The following ATP10B variants were observed in gnomAD, a reference collection of about 807,000 sequenced individuals.
ATP10B encodes the protein ATPase phospholipid transporting 10B (putative), also known as phospholipid-transporting ATPase VB.
ATP10B carries 122 observed loss-of-function variants against 141.2 expected under a neutral mutation model. The observed-to-expected ratio is 0.86, with a 90% confidence interval of 0.75 to 1.00. The LOEUF (loss-of-function observed/expected upper bound fraction) is 1.00. Ranked by LOEUF, ATP10B falls within the 50% of genes least tolerant of loss-of-function variation. The pLI, the probability that ATP10B is intolerant of heterozygous loss-of-function variation, is 0.00. For missense variants in ATP10B, 1,876 were observed against 1,825.3 expected (o/e 1.03, Z -0.51); for synonymous variants, 685 against 692.0 (o/e 0.99, Z 0.16).
the ATP10B span, among the ~76,000 whole-genome samples, chr5:160,902,439 C>A: frequency 6.6e-6 from 1 of 152,160 alleles, no homozygotes; most frequent in Admixed American, 6.5e-5. Context: ...CCCTTGCTGT[C>A]AAACACTCAG....
In ATP10B at chr5:160,565,240, T is replaced by C; in HGVS notation, c.*213A>G. On this transcript the variant is annotated 3_prime_UTR_variant, in exon 26 of 26. Coordinates refer to ENST00000327245, the MANE Select transcript of ATP10B (RefSeq NM_025153.3). ...TCTCCAAACTGTTTGCAAGATGTGC[T>C]GCCTGAGAGCAGCAGAAAACTAGAG... The C allele has an allele frequency of 1.7e-6, 1 of 579,628 alleles. No homozygotes were observed. Among genetic ancestry groups the C allele is most frequent in the Non-Finnish European group, 3.1e-6 (1 of 326,708 alleles). 35.9% of individuals were successfully genotyped at this position (579,628 alleles called of 1,614,324 possible).
intron 2 of ATP10B, among the ~76,000 whole-genome samples, chr5:160,734,163 C>T (rs981914646): frequency 1.2e-4 from 14 of 115,814 alleles, no homozygotes; most frequent in Admixed American, 1.2e-3. Flanking sequence ...CATTAAAAAA[C>T]AACTATGGAA....
intron 6 of ATP10B, among the ~76,000 whole-genome samples, chr5:160,674,065 G>A (rs928247935): frequency 1.3e-5 from 2 of 152,042 alleles, no homozygotes; most frequent in Non-Finnish European, 2.9e-5. Context: ...TTGGGGATGT[G>A]GGGTATCAGT....
intron 2 of ATP10B, among the ~76,000 whole-genome samples, chr5:160,768,359 G>A (rs1375833358): frequency 6.6e-6 from 1 of 152,170 alleles, no homozygotes; most frequent in Non-Finnish European, 1.5e-5. Flanking sequence ...GAAAAATGGT[G>A]AAGCTGGGTG....
chr5:160,717,718 C>G (rs1167992284), intron 2 of ATP10B, among the ~76,000 whole-genome samples: 1 of 152,192 alleles, frequency 6.6e-6, no homozygotes. Context: ...AATATCCTCC[C>G]TAAAACCCTA....
chr5:160,927,613 G>A, the ATP10B span, among the ~76,000 whole-genome samples: 1 of 152,184 alleles, frequency 6.6e-6, no homozygotes, highest in Non-Finnish European at 1.5e-5. Context: ...AGGTAAACTG[G>A]TGGTCATGAT....
chr5:160,878,704 C>A, the ATP10B span, among the ~76,000 whole-genome samples: 1 of 152,256 alleles, frequency 6.6e-6, no homozygotes, highest in East Asian at 1.9e-4. Context: ...AAACAAACAA[C>A]CCCATCAAAA....
In ATP10B at chr5:160,598,877, A is replaced by G; in HGVS notation, c.3457T>C (p.Phe1153Leu). 1 of 1,614,160 alleles carries G rather than the reference A, an allele frequency of 6.2e-7. No individual in the cohort carries two copies. Among genetic ancestry groups the G allele is most frequent in the Non-Finnish European group, 8.5e-7 (1 of 1,179,998 alleles). The change falls in exon 22 of 26, where the codon TTC becomes CTC. Residue 1153 changes from phenylalanine to leucine, a missense_variant. By Grantham distance (22) the Phe-to-Leu change is conservative. Coordinates refer to ENST00000327245, the MANE Select transcript of ATP10B (RefSeq NM_025153.3). The part of the protein sequence containing the change: ...DYWQMIFFNL[F>L]FTSLPPLVFG... ...ACAAGAGGAGGCAAGGAGGTAAAGA[A>G]GAGATTGAAGAATATCATCTGCCAG... is the stretch of plus-strand genomic sequence containing the variant.
At chr5:160,898,706 T>G in the ATP10B span, among the ~76,000 whole-genome samples, 1 of 152,198 alleles carries the variant, frequency 6.6e-6, no homozygotes, top group African/African-American at 2.4e-5. Context: ...GTATATTTAT[T>G]GCAGCACTAT....
the ATP10B span, among the ~76,000 whole-genome samples, chr5:160,880,102 A>G: frequency 6.7e-6 from 1 of 149,218 alleles, no homozygotes; most frequent in Non-Finnish European, 1.5e-5. Context: ...GTGAGAAACT[A>G]TTATAAAAGA....
rs1302149518 is a variant in ATP10B, at chr5:160,565,588, G to A, written c.4251C>T (p.Ser1417=). ...CMRDDSCSGD[S]SAQLSSGEHL... ...GCTCCCCGGATGAGAGTTGAGCTGA[G>A]GAGTCCCCTGAGCATGAGTCATCCC... Residue 1417 remains serine, a synonymous_variant, in exon 26 of 26, where the codon TCC becomes TCT. Coordinates refer to ENST00000327245, the MANE Select transcript of ATP10B (RefSeq NM_025153.3). 2 of 1,614,118 alleles carry A rather than the reference G, an allele frequency of 1.2e-6. No individual in the cohort carries two copies. Among genetic ancestry groups the A allele is most frequent in the Admixed American group, 3.3e-5 (2 of 60,032 alleles).
At chr5:160,781,908 C>T (rs1770745454) in intron 2 of ATP10B, among the ~76,000 whole-genome samples, 1 of 152,180 alleles carries the variant, frequency 6.6e-6, no homozygotes, top group Non-Finnish European at 1.5e-5. Flanking sequence ...CCATTTACTA[C>T]AACCTGCTCC....
intron 1 of ATP10B, among the ~76,000 whole-genome samples, chr5:160,822,786 A>G (rs1386346004): frequency 6.6e-6 from 1 of 151,620 alleles, no homozygotes; most frequent in African/African-American, 2.4e-5. Context: ...ACATATTCTC[A>G]CTTATTTGTG....
intron 1 of ATP10B, among the ~76,000 whole-genome samples, chr5:160,791,515 A>G (rs936048315): frequency 3.9e-5 from 6 of 152,106 alleles, no homozygotes; most frequent in Non-Finnish European, 5.9e-5. Context: ...AGGGCCTTCC[A>G]CCATGGTGGT....
chr5:160,891,836 G>A, the ATP10B span, among the ~76,000 whole-genome samples: 1 of 152,208 alleles, frequency 6.6e-6, no homozygotes, highest in Non-Finnish European at 1.5e-5. Context: ...ACTTAGGTGA[G>A]CTATTTTTGA....
rs182366441 is a variant in ATP10B at position 160,676,044 on chromosome 5, C to T, written c.471-5377G>A. Among the ~76,000 whole-genome samples, 24 of 152,170 alleles carry T rather than the reference C, an allele frequency of 1.6e-4. No homozygotes were observed. The South Asian group carries it at 1.9e-3, about 12-fold the overall frequency. ...GAGCTGAATGGCATGGTCACTGGGA[C>T]GTTTTTATTAATGGGACCTCATTCA... On this transcript the variant is annotated intron_variant, in intron 6 of 25. Transcript: ENST00000327245.
chr5:160,602,385 T>G (rs998219770), intron 21 of ATP10B, among the ~76,000 whole-genome samples, 192 bp downstream of exon 21: 1 of 152,198 alleles, frequency 6.6e-6, no homozygotes, highest in African/African-American at 2.4e-5. Context: ...TCACAATAAC[T>G]TCACAAAAAT....
chr5:160,768,376 C>G (rs1365607760), intron 2 of ATP10B, among the ~76,000 whole-genome samples: 2 of 152,092 alleles, frequency 1.3e-5, no homozygotes, highest in Admixed American at 6.6e-5. Context: ...GGTGTGTAAA[C>G]TAGGCCTGTC....
chr5:160,646,946 A>C (rs1581256980), intron 8 of ATP10B, among the ~76,000 whole-genome samples: 1 of 152,256 alleles, frequency 6.6e-6, no homozygotes, highest in Non-Finnish European at 1.5e-5. Flanking sequence ...TGTGCATTGT[A>C]GCATCCCTGG....
Sources: allele counts gnomAD v4.1 joint callset (sites outside exome capture counted in the v4.1 genomes callset), GRCh38; gene constraint gnomAD v4.1.1; transcripts MANE v1.5; gene names NCBI Gene and HGNC (gene_info 2026-07-23, HGNC 2026-07-21).